Variants in ADGRV1 observed in about 807,000 individuals in gnomAD.
The protein encoded by ADGRV1 is G-protein coupled receptor 98.
ADGRV1 carries 359 observed loss-of-function variants against 596.2 expected under a neutral mutation model. The ratio of observed to expected loss-of-function variants is 0.60; its 90% CI spans 0.55 to 0.66. ADGRV1 has a LOEUF of 0.66. Among genes scored for constraint, ADGRV1 ranks in the 30% least tolerant of loss-of-function variants. The pLI, the probability that ADGRV1 is intolerant of heterozygous loss-of-function variation, is 0.00. For missense variants in ADGRV1, 7,274 were observed against 7,575.6 expected (o/e 0.96, Z 1.48); for synonymous variants, 2,681 against 2,679.2 (o/e 1.00, Z -0.02).
At chr5:91,139,128 G>A (rs1292880558) in intron 87 of ADGRV1, among the ~76,000 whole-genome samples, 2 of 152,158 alleles carry the variant, frequency 1.3e-5, no homozygotes, top group Non-Finnish European at 2.9e-5. Flanking sequence ...TTTCGGTACC[G>A]CAAAGCATAG....
chr5:90,753,692 T>C lies in ADGRV1; in HGVS notation c.11240T>C (p.Val3747Ala). ...CTCACCCGTATCACCACAGAAGGGGTTGAGGACTCATACAAAGGTGCTACT... is the reference window on the plus strand; with the variant it reads ...CTCACCCGTATCACCACAGAAGGGGCTGAGGACTCATACAAAGGTGCTACT... ...VTLTRITTEG[V>A]EDSYKGATID... is the part of the protein sequence containing the mutation. The change falls in exon 54 of 90, where the codon GTT becomes GCT. Residue 3747 changes from valine to alanine, a missense_variant. Val to Ala is a moderately conservative substitution (Grantham distance 64, BLOSUM62 0). Around this residue, in one of 5 missense-constraint regions of ADGRV1, gnomAD observed 3,643 missense variants for 3,809.2 expected, o/e 0.96. Transcript: ENST00000405460. 1 of 1,613,586 alleles carries C rather than the reference T, an allele frequency of 6.2e-7. No homozygotes were observed. The highest frequency in any genetic ancestry group is 8.5e-7 in the Non-Finnish European group (1 of 1,179,696).
intron 59 of ADGRV1, among the ~76,000 whole-genome samples, chr5:90,767,299 C>A (rs949725909): frequency 2.0e-5 from 3 of 152,062 alleles, no homozygotes; most frequent in African/African-American, 7.2e-5. Flanking sequence ...ATGTTTGATT[C>A]TAAACAGCTT....
At chr5:90,601,679 G>C (rs1469783023) in intron 1 of ADGRV1, among the ~76,000 whole-genome samples, 2 of 152,186 alleles carry the variant, frequency 1.3e-5, no homozygotes, top group African/African-American at 4.8e-5. Context: ...CCTGCTCATA[G>C]TTGCCCTGCT....
At chr5:90,980,049 T>C (rs1187211529) in intron 84 of ADGRV1, among the ~76,000 whole-genome samples, 2 of 152,204 alleles carry the variant, frequency 1.3e-5, no homozygotes, top group Admixed American at 1.3e-4. Context: ...CATTACATAG[T>C]TTTCTTTACA....
intron 83 of ADGRV1, among the ~76,000 whole-genome samples, chr5:90,873,042 T>C (rs1283963057): frequency 6.6e-6 from 1 of 152,244 alleles, no homozygotes; most frequent in Non-Finnish European, 1.5e-5. Flanking sequence ...CTGAGCTTTA[T>C]CTGCTTGCTG....
chr5:90,689,332 C>CTTTTTTT (rs34756274), intron 29 of ADGRV1, among the ~76,000 whole-genome samples: 3 of 104,438 alleles, frequency 2.9e-5, no homozygotes, highest in African/African-American at 4.1e-5. Context: ...CCCCACCCAC[C>CTTTTTTT]TTTTTTTTTT....
At chr5:91,088,598 A>G (rs1452757390) in intron 86 of ADGRV1, among the ~76,000 whole-genome samples, 1 of 152,176 alleles carries the variant, frequency 6.6e-6, no homozygotes, top group Non-Finnish European at 1.5e-5. Context: ...TGTCAAACTC[A>G]TAGTACCCAG....
At chr5:90,582,877 A>G (rs767516746) in intron 1 of ADGRV1, among the ~76,000 whole-genome samples, 5 of 152,202 alleles carry the variant, frequency 3.3e-5, no homozygotes, top group Non-Finnish European at 5.9e-5. Context: ...GCTTAGTTTA[A>G]AATGAATTCA....
At chr5:90,717,416 T>C (rs1460871550) in intron 43 of ADGRV1, 1 of 148,990 alleles carries the variant, frequency 6.7e-6, no homozygotes, top group African/African-American at 2.5e-5. Flanking sequence ...TTTGCAAGAT[T>C]ATGTTGCAAA....
At chr5:90,793,642 T>C (rs999292089) in intron 70 of ADGRV1, among the ~76,000 whole-genome samples, 7 of 152,246 alleles carry the variant, frequency 4.6e-5, no homozygotes, top group African/African-American at 7.2e-5. Flanking sequence ...TAGTGCACTT[T>C]TCATTTCATT....
In ADGRV1 at chr5:91,150,219, G is replaced by A; in HGVS notation, c.18622G>A (p.Glu6208Lys). ...STQNLIGAME[E>K]VPPDWERASF... The stretch of plus-strand genomic sequence containing the variant: ...CCAGAATCTCATCGGTGCTATGGAG[G>A]AGGTGTCTGCCCTTGCCCTTTCATT... Residue 6208 changes from glutamate to lysine, a missense_variant and splice_region_variant, in exon 88 of 90, where the codon GAG becomes AAG. Transcript: ENST00000405460. The A allele has an allele frequency of 6.4e-7, 1 of 1,555,484 alleles. No individual in the cohort carries two copies. Among genetic ancestry groups the A allele is most frequent in the Non-Finnish European group, 8.7e-7 (1 of 1,150,768 alleles).
chr5:90,956,495 CTGT>C (rs1324558428), intron 83 of ADGRV1, among the ~76,000 whole-genome samples: 10 of 152,252 alleles, frequency 6.6e-5, no homozygotes, highest in Admixed American at 3.9e-4. Flanking sequence ...GATATAGAGA[CTGT>C]TTTGTTTCCA....
At position 90,774,242 on chromosome 5, in the gene ADGRV1, G is replaced by A; in HGVS notation, c.12342G>A (p.Glu4114=). The change falls in exon 60 of 90, where the codon GAG becomes GAA. Residue 4114 remains glutamate, a synonymous_variant. Transcript: ENST00000405460. The part of the protein sequence containing the change: ...LHTLQDTVLE[E]DRRFTIQLIS... The stretch of plus-strand genomic sequence containing the variant: ...CACTTCAAGACACAGTGTTGGAGGA[G>A]GACAGGCGTTTCACCATTCAGCTGA... 3 of 1,611,616 alleles carry A rather than the reference G, an allele frequency of 1.9e-6. No homozygotes were observed. Among genetic ancestry groups the A allele is most frequent in the South Asian group, 1.1e-5 (1 of 91,016 alleles).
intron 34 of ADGRV1, among the ~76,000 whole-genome samples, chr5:90,699,563 C>A (rs1484924853): frequency 6.6e-6 from 1 of 152,100 alleles, no homozygotes; most frequent in Non-Finnish European, 1.5e-5. Context: ...GATGAAATTT[C>A]TTTTCTAAGG....
chr5:90,740,589 G>A (rs11948077), intron 50 of ADGRV1, among the ~76,000 whole-genome samples: 3,472 of 152,296 alleles, frequency 0.023, 131 homozygotes, highest in African/African-American at 0.081. Context: ...TCTTTCTGGT[G>A]GTGTGCCTCC....
Position 90,653,245 on chromosome 5 carries a change from C to T in ADGRV1, c.3671C>T (p.Thr1224Ile), listed in dbSNP as rs554285146. 54 of 1,612,652 alleles carry T rather than the reference C, an allele frequency of 3.3e-5. No homozygotes were observed. In the African/African-American group the frequency reaches 4.1e-4, roughly 12 times the overall value. Residue 1224 changes from threonine (T) to isoleucine (I), a missense_variant, in exon 20 of 90, where the codon ACC (threonine) becomes ATC (isoleucine). Thr to Ile is a moderately conservative substitution (Grantham distance 89). Transcript: ENST00000405460. ...GGTCCTGGGGGCCAGCTAGCAGAAA[C>T]CAACCTCCAGGTGACAGTAATGGTT... is the stretch of plus-strand genomic sequence containing the variant. ...SPGPGGQLAE[T>I]NLQVTVMVPF...
intron 1 of ADGRV1, among the ~76,000 whole-genome samples, chr5:90,608,773 C>CA (rs1438411703): frequency 2.0e-5 from 3 of 151,950 alleles, no homozygotes; most frequent in African/African-American, 7.2e-5. Context: ...GGAAAGGATT[C>CA]AAAGAGATTC....
At chr5:90,815,911 A>T (rs1762847915) in intron 75 of ADGRV1, among the ~76,000 whole-genome samples, 175 bp downstream of exon 75, 1 of 152,182 alleles carries the variant, frequency 6.6e-6, no homozygotes, top group Non-Finnish European at 1.5e-5. Context: ...GTTTATGATC[A>T]TAACTTAGGG....
At chr5:91,113,520 G>A (rs1475797427) in intron 87 of ADGRV1, among the ~76,000 whole-genome samples, 1 of 151,920 alleles carries the variant, frequency 6.6e-6, no homozygotes, top group East Asian at 1.9e-4. Context: ...CCTTCCCATT[G>A]AGGCCTTCCT....
Sources: gnomAD v4.1 joint callset for allele counts (sites outside exome capture counted in the v4.1 genomes callset) on GRCh38, gnomAD v4.1.1 for gene constraint, gnomAD v4.1.1 regional missense constraint, MANE v1.5 for transcripts, NCBI Gene and HGNC (gene_info 2026-07-23, HGNC 2026-07-21) for gene names.